RUNX3: variants seen among roughly 807,000 people sequenced by gnomAD.
RUNX3 encodes runt-related transcription factor 3.
Under a neutral mutation model 27.7 loss-of-function variants are expected in RUNX3, and 10 were observed. The observed-to-expected ratio is 0.36, with a 90% CI of 0.22 to 0.61. The LOEUF (loss-of-function observed/expected upper bound fraction) is 0.61, where lower values mean the gene tolerates loss of function less well. Ranked by LOEUF, RUNX3 falls within the 20% of genes least tolerant of loss-of-function variation. RUNX3 has a pLI of 0.72. For missense variants in RUNX3, 469 were observed against 629.5 expected (o/e 0.75, Z 2.73); for synonymous variants, 270 against 269.2 (o/e 1.00, Z -0.03).
chr1:24,952,792 G>A (rs1433051185), intron 2 of RUNX3, among the ~76,000 whole-genome samples: 1 of 152,182 alleles, frequency 6.6e-6, no homozygotes, highest in Admixed American at 6.5e-5. Flanking sequence ...AAGGTTAAGT[G>A]GGCACATAGC....
Position 24,930,188 on chromosome 1 carries a change from CTG to C in RUNX3, c.-322_-321del. On this transcript the variant is annotated 5_prime_UTR_variant, in exon 1 of 5. Transcript: ENST00000308873. The surrounding 1 kb of genome is among the most constrained non-coding windows in gnomAD (Gnocchi z 4.1). ...GCGGGGCCCGCGCGGGGCTGTGCCGCTGCCGCCGCCTCCCGCCCCGAAGCTCG... is the reference window on the plus strand; with the variant it reads ...GCGGGGCCCGCGCGGGGCTGTGCCGCCCGCCGCCTCCCGCCCCGAAGCTCG... 1.0e-6 allele frequency: 1 copy of C among 979,444 alleles called. No individual in the cohort carries two copies. Among genetic ancestry groups the C allele is most frequent in the Non-Finnish European group, 1.2e-6 (1 of 827,184 alleles). The allele number at this position is 979,444 out of a possible 1,614,324, so 60.7% of individuals were successfully genotyped here.
At chr1:24,937,559 C>T (rs985726772) in intron 2 of RUNX3, among the ~76,000 whole-genome samples, 79 of 152,218 alleles carry the variant, frequency 5.2e-4, no homozygotes, top group African/African-American at 1.9e-3. Flanking sequence ...GAGAGGCTTC[C>T]ATATGGCAAG....
chr1:24,911,838 A>G (rs1192247379), intron 3 of RUNX3, among the ~76,000 whole-genome samples: 1 of 152,212 alleles, frequency 6.6e-6, no homozygotes, highest in African/African-American at 2.4e-5. Flanking sequence ...GCTGTGGGTC[A>G]GGTAATCTGA....
rs1641458462 is a variant in RUNX3, at chr1:24,940,811, G to A, written c.59-10959C>T. 2.6e-5 allele frequency among the ~76,000 whole-genome samples: 4 copies of A among 152,190 alleles called. No homozygotes were observed. The South Asian group carries it at 8.3e-4, about 32-fold the overall frequency. Reference sequence around the variant, plus strand: ...GAGTAGGGAGAGGGATGCAGTCAGGGAAGGGACACTGGTGGGAGCCCTAAG... The same window carrying A: ...GAGTAGGGAGAGGGATGCAGTCAGGAAAGGGACACTGGTGGGAGCCCTAAG... On this transcript the variant is annotated intron_variant, in intron 2 of 6. Coordinates refer to the RUNX3 transcript ENST00000338888.
At chr1:24,920,005 T>C (rs961156066) in intron 2 of RUNX3, among the ~76,000 whole-genome samples, 2 of 152,192 alleles carry the variant, frequency 1.3e-5, no homozygotes, top group Non-Finnish European at 2.9e-5. Context: ...CTTTTATTTA[T>C]CTACCTCCTT....
chr1:24,918,202 A>G (rs1557841591), intron 3 of RUNX3, among the ~76,000 whole-genome samples: 1 of 152,204 alleles, frequency 6.6e-6, no homozygotes, highest in Non-Finnish European at 1.5e-5. Context: ...CTGACTCCCA[A>G]GAAGGGAGGG....
intron 2 of RUNX3, among the ~76,000 whole-genome samples, chr1:24,953,402 G>GAAAAAAAAAAAAAAAAAAAAATA (rs553316885): frequency 7.1e-5 from 5 of 70,466 alleles, no homozygotes; most frequent in Non-Finnish European, 8.8e-5. Flanking sequence ...AAAGAAAAAT[G>GAAAAAAAAAAAAAAAAAAAAATA]AAAAAAAAAA....
chr1:24,929,696 A>C lies in RUNX3; in HGVS notation c.173T>G (p.Val58Gly). 6.3e-7 allele frequency: 1 copy of C among 1,577,026 alleles called. No homozygotes were observed. Among genetic ancestry groups the C allele is most frequent in the Non-Finnish European group, 8.6e-7 (1 of 1,168,892 alleles). The change falls in exon 1 of 5, where the codon GTG becomes GGG. Residue 58 changes from valine (V) to glycine (G), a missense_variant. This residue lies in a region of RUNX3 where 115 missense variants were observed against 118.0 expected (regional missense o/e 0.97). Coordinates refer to ENST00000308873, the MANE Select transcript of RUNX3 (RefSeq NM_004350.3). ...ARPEVRSMVD[V>G]LADHAGELVR... ...GAGCTCGCCTGCGTGGTCCGCCAGC[A>C]CGTCCACCATCGAGCGCACCTCGGG...
At chr1:24,959,514 G>A (rs887536053) in intron 2 of RUNX3, among the ~76,000 whole-genome samples, 1 of 152,202 alleles carries the variant, frequency 6.6e-6, no homozygotes, top group African/African-American at 2.4e-5. Flanking sequence ...ATGGCGGGGA[G>A]GGGGAGGCCC....
chr1:24,907,472 C>A, intron 3 of RUNX3, 55 bp from the exon 4 acceptor site: 1 of 1,542,564 alleles, frequency 6.5e-7, no homozygotes, highest in Non-Finnish European at 8.8e-7. Context: ...TCAGTGGAGA[C>A]AGAAATGCCT....
At chr1:24,922,195 CT>C (rs1283635731) in intron 2 of RUNX3, among the ~76,000 whole-genome samples, 312 of 132,374 alleles carry the variant, frequency 2.4e-3, no homozygotes, top group Middle Eastern at 7.3e-3. Context: ...TCCTTTCTTT[CT>C]TTTTTTTTTT....
rs535244625 is a variant in RUNX3 at position 24,904,616 on chromosome 1, C to T, written c.704-1950G>A. Among the ~76,000 whole-genome samples the T allele has an allele frequency of 2.6e-5, 4 of 152,124 alleles. No homozygotes were observed. Among genetic ancestry groups the T allele is most frequent in the Admixed American group, 6.5e-5 (1 of 15,272 alleles). ...GGGTGGGGTGGAAGTGGGTGCTGGC[C>T]GCCTGATGGGAACCCCATTCTCAAG... is the stretch of plus-strand genomic sequence containing the variant. On this transcript the variant is annotated intron_variant, in intron 4 of 4. Coordinates refer to ENST00000308873, the MANE Select transcript of RUNX3 (RefSeq NM_004350.3). The surrounding 1 kb of genome is among the most constrained non-coding windows in gnomAD (Gnocchi z 5.7).
rs192070758 is a variant in RUNX3 at position 24,917,619 on chromosome 1, C to T, written c.544+1621G>A. On this transcript the variant is annotated intron_variant, in intron 3 of 4. Coordinates refer to ENST00000308873, the MANE Select transcript of RUNX3 (RefSeq NM_004350.3). ...CAGATAACAGCCCTGGCTAAAGTGACGGATCCCTTGCTAACCCCCACCGCT... is the reference window on the plus strand; with the variant it reads ...CAGATAACAGCCCTGGCTAAAGTGATGGATCCCTTGCTAACCCCCACCGCT... Among the ~76,000 whole-genome samples the T allele has an allele frequency of 8.5e-5, 13 of 152,308 alleles. No individual in the cohort carries two copies. In the East Asian group the frequency reaches 2.3e-3, roughly 27 times the overall value.
chr1:24,913,280 T>C (rs1329995133), intron 3 of RUNX3, among the ~76,000 whole-genome samples: 1 of 152,202 alleles, frequency 6.6e-6, no homozygotes, highest in Admixed American at 6.5e-5. Flanking sequence ...CCTGGATTAG[T>C]GTCTATGACC....
intron 1 of RUNX3, 48 bp downstream of exon 1, chr1:24,929,539 C>T (rs377559874): frequency 3.3e-6 from 5 of 1,529,988 alleles, no homozygotes; most frequent in East Asian, 4.7e-5. Context: ...AGCTCAGACG[C>T]CCGGAGCCCC....
upstream of RUNX3, among the ~76,000 whole-genome samples, chr1:24,930,563 T>C (rs1641204453): frequency 6.6e-6 from 1 of 151,876 alleles, no homozygotes; most frequent in Admixed American, 6.6e-5. The surrounding 1 kb of genome is among the most constrained non-coding windows in gnomAD (Gnocchi z 4.1). Context: ...GAAGGCGCCC[T>C]TGCCGCCCTC....
chr1:24,931,101 G>A (rs1385711097), upstream of RUNX3, among the ~76,000 whole-genome samples: 1 of 152,232 alleles, frequency 6.6e-6, no homozygotes, highest in African/African-American at 2.4e-5. Context: ...CTTTACGCAT[G>A]TAACCACGGT....
chr1:24,931,064 C>A (rs773968776), upstream of RUNX3, among the ~76,000 whole-genome samples: 1 of 152,248 alleles, frequency 6.6e-6, no homozygotes, highest in Non-Finnish European at 1.5e-5. Context: ...CACGACGAGG[C>A]CTGCAAAATG....
chr1:24,927,778 G>T lies in RUNX3; in HGVS notation c.283-48C>A. 6.3e-7 allele frequency: 1 copy of T among 1,590,062 alleles called. No individual in the cohort carries two copies. Among genetic ancestry groups the T allele is most frequent in the Non-Finnish European group, 8.6e-7 (1 of 1,159,150 alleles). ...TGCAGGGGGACAGCTTAGAAAGGAA[G>T]AGGGTGACCAGGGAAAGGAGGGGAG... On this transcript the variant is annotated intron_variant, in intron 1 of 4. Coordinates refer to ENST00000308873, the MANE Select transcript of RUNX3 (RefSeq NM_004350.3). The surrounding 1 kb of genome is among the most constrained non-coding windows in gnomAD (Gnocchi z 5.0).
Sources: allele counts gnomAD v4.1 joint callset (sites outside exome capture counted in the v4.1 genomes callset), GRCh38; gene constraint gnomAD v4.1.1; regional missense constraint gnomAD v4.1.1; non-coding constraint Gnocchi (gnomAD v3.1); transcripts MANE v1.5; gene names NCBI Gene and HGNC (gene_info 2026-07-23, HGNC 2026-07-21).